The following CTNNA3 variants were observed in gnomAD, a reference collection of about 807,000 sequenced individuals.
The protein encoded by CTNNA3 is catenin alpha 3.
A neutral mutation model predicts 95.7 loss-of-function variants in CTNNA3; 76 were observed. That is an observed-to-expected ratio of 0.79 (90% CI 0.66 to 0.96). CTNNA3 has a LOEUF of 0.96. CTNNA3 is among the 40% of genes least tolerant of loss of function. The pLI, the probability that CTNNA3 is intolerant of heterozygous loss-of-function variation, is 0.00. For synonymous variants in CTNNA3, 431 were observed against 374.4 expected, an observed-to-expected ratio of 1.15 and a Z score of -1.74; for missense variants, 1,191 against 1,089.8, an observed-to-expected ratio of 1.09 and a Z score of -1.31.
chr10:66,177,585 C>T (rs1048435500), intron 13 of CTNNA3, among the ~76,000 whole-genome samples: 14 of 151,894 alleles, frequency 9.2e-5, no homozygotes, highest in Non-Finnish European at 1.6e-4. Flanking sequence ...AGCTTTGCAA[C>T]ATATTGGCAG....
chr10:66,247,691 C>T (rs947894045), intron 13 of CTNNA3, among the ~76,000 whole-genome samples: 1 of 152,140 alleles, frequency 6.6e-6, no homozygotes, highest in African/African-American at 2.4e-5. Context: ...AGTGGCATGA[C>T]ATATTTAAAG....
intron 7 of CTNNA3, among the ~76,000 whole-genome samples, chr10:67,047,978 G>C (rs1392443838): frequency 6.6e-6 from 1 of 152,086 alleles, no homozygotes; most frequent in Admixed American, 6.5e-5. Flanking sequence ...GATTGAGCAA[G>C]GGGAATATTA....
chr10:66,162,872 G>A (rs1414640164), intron 13 of CTNNA3, among the ~76,000 whole-genome samples: 1 of 151,474 alleles, frequency 6.6e-6, no homozygotes, highest in Non-Finnish European at 1.5e-5. Flanking sequence ...CTCTCCTTGG[G>A]CGGGTCTTGC....
chr10:66,950,361 AT>A (rs201554861), intron 7 of CTNNA3, among the ~76,000 whole-genome samples: 2 of 151,634 alleles, frequency 1.3e-5, no homozygotes, highest in South Asian at 2.1e-4. Context: ...AAAATCTTAC[AT>A]TTTTTTTGTA....
At chr10:66,708,225 C>CAAA (rs386371664) in intron 9 of CTNNA3, among the ~76,000 whole-genome samples, 55 of 124,338 alleles carry the variant, frequency 4.4e-4, no homozygotes, top group East Asian at 1.8e-3. Context: ...CCAATGCTGC[C>CAAA]AAAAAAAAAA....
In CTNNA3 at chr10:66,453,221, A is replaced by T. The variant is rs556796696; in HGVS notation, c.1531+67396T>A. ...GACAGAAGGAGACTCTGTCTCAAAAAAGAAAAAAAAAAAAACTGAGCCTCC... is the reference window on the plus strand; with the variant it reads ...GACAGAAGGAGACTCTGTCTCAAAATAGAAAAAAAAAAAAACTGAGCCTCC... On this transcript the variant is annotated intron_variant, in intron 11 of 17. Transcript: ENST00000433211. Among the ~76,000 whole-genome samples the T allele has an allele frequency of 2.0e-5, 3 of 146,366 alleles. No homozygotes were observed. In the South Asian group the frequency reaches 6.3e-4, roughly 31 times the overall value.
intron 15 of CTNNA3, among the ~76,000 whole-genome samples, chr10:66,024,737 A>T (rs929586510): frequency 3.3e-5 from 5 of 152,242 alleles, no homozygotes; most frequent in African/African-American, 1.2e-4. Flanking sequence ...AATTAAACAG[A>T]GTCAAATGAT....
intron 7 of CTNNA3, among the ~76,000 whole-genome samples, chr10:67,020,935 C>T (rs868255366): frequency 1.3e-5 from 2 of 152,062 alleles, no homozygotes; most frequent in Non-Finnish European, 2.9e-5. Context: ...TTACACTACC[C>T]GGAAGATAGT....
At chr10:66,015,046 T>G (rs1333978706) in intron 15 of CTNNA3, among the ~76,000 whole-genome samples, 1 of 150,974 alleles carries the variant, frequency 6.6e-6, no homozygotes, top group Admixed American at 6.6e-5. Flanking sequence ...GAGGTTGCAG[T>G]GAGCCGAGAT....
intron 16 of CTNNA3, among the ~76,000 whole-genome samples, chr10:65,969,883 C>A (rs2078058788): frequency 6.6e-6 from 1 of 151,796 alleles, no homozygotes; most frequent in African/African-American, 2.4e-5. Flanking sequence ...TCAAATTTTG[C>A]TAGAGAGGTA....
chr10:66,861,967 C>A (rs1843947135), intron 7 of CTNNA3, among the ~76,000 whole-genome samples: 1 of 152,160 alleles, frequency 6.6e-6, no homozygotes, highest in Non-Finnish European at 1.5e-5. Context: ...GTAATCCCAG[C>A]ACTTTGGGAG....
rs185420938 is a variant in CTNNA3, at chr10:66,698,741, G to C, written c.1281+67523C>G. ...CCTATATTACTGAGAGATAAAACGT[G>C]GGGGACAGCAACTTAGAGATAGGGC... On this transcript the variant is annotated intron_variant, in intron 9 of 17. Transcript: ENST00000433211. Among the ~76,000 whole-genome samples, 717 of 152,230 alleles carry C rather than the reference G, an allele frequency of 4.7e-3. 5 individuals are homozygous for C. Among genetic ancestry groups the C allele is most frequent in the African/African-American group, 0.016 (676 of 41,516 alleles).
chr10:66,325,918 G>C (rs2174721), intron 12 of CTNNA3, among the ~76,000 whole-genome samples: 45,218 of 151,952 alleles, frequency 0.3, 7,853 homozygotes, highest in Non-Finnish European at 0.39. Flanking sequence ...TCGAGAAGAA[G>C]GATTTAACAG....
At chr10:66,861,325 C>T (rs1474704906) in intron 7 of CTNNA3, among the ~76,000 whole-genome samples, 2 of 152,172 alleles carry the variant, frequency 1.3e-5, no homozygotes, top group Admixed American at 6.5e-5. Flanking sequence ...GCACGTTCTG[C>T]CCATGTCTGC....
intron 7 of CTNNA3, among the ~76,000 whole-genome samples, chr10:67,005,225 T>TCA (rs1200780851): frequency 6.6e-6 from 1 of 152,196 alleles, no homozygotes; most frequent in Non-Finnish European, 1.5e-5. Context: ...ACAATGGTGC[T>TCA]GTTCAATAGA....
intron 13 of CTNNA3, among the ~76,000 whole-genome samples, chr10:66,171,043 G>C (rs1350793879): frequency 6.6e-6 from 1 of 151,966 alleles, no homozygotes; most frequent in Non-Finnish European, 1.5e-5. Context: ...CAAGGCACGA[G>C]AATCACTTGA....
chr10:67,193,226 T>C (rs1262729477), intron 6 of CTNNA3, among the ~76,000 whole-genome samples: 1 of 151,974 alleles, frequency 6.6e-6, no homozygotes, highest in East Asian at 1.9e-4. Flanking sequence ...ATTAATATGA[T>C]TGGGGTAATC....
intron 12 of CTNNA3, among the ~76,000 whole-genome samples, chr10:66,297,458 T>C (rs1011550158): frequency 1.3e-5 from 2 of 152,190 alleles, no homozygotes; most frequent in Non-Finnish European, 2.9e-5. Context: ...AAAGTAATTA[T>C]ATATATTAAA....
intron 17 of CTNNA3, among the ~76,000 whole-genome samples, chr10:65,926,194 T>C (rs766449983): frequency 9.9e-5 from 15 of 151,664 alleles, no homozygotes; most frequent in Middle Eastern, 6.9e-3. Flanking sequence ...CTTGAATGCT[T>C]AATTACATAT....
Sources: allele counts gnomAD v4.1 joint callset (sites outside exome capture counted in the v4.1 genomes callset), GRCh38; gene constraint gnomAD v4.1.1; transcripts MANE v1.5; gene names NCBI Gene and HGNC (gene_info 2026-07-23, HGNC 2026-07-21).